The following PHLPP2 variants were observed in gnomAD, a reference collection of about 807,000 sequenced individuals.
PHLPP2 encodes PH domain leucine-rich repeat-containing protein phosphatase 2.
In PHLPP2, 66 loss-of-function variants were observed where a neutral mutation model predicts 124.9. That is an observed-to-expected ratio of 0.53 (90% confidence interval 0.43 to 0.65). PHLPP2 has a LOEUF of 0.65. PHLPP2 is among the 30% of genes least tolerant of loss of function. PHLPP2 has a pLI of 0.00. For missense variants in PHLPP2, 1,685 were observed against 1,600.4 expected (o/e 1.05, Z -0.90); for synonymous variants, 681 against 624.7 (o/e 1.09, Z -1.34).
At chr16:71,707,222 T>C (rs894022787) in intron 2 of PHLPP2, among the ~76,000 whole-genome samples, 4 of 152,090 alleles carry the variant, frequency 2.6e-5, no homozygotes, top group Non-Finnish European at 5.9e-5. Context: ...CCCAAAGTGC[T>C]GGGATTACAG....
intron 1 of PHLPP2, chr16:71,723,824 G>GGGGGCTCCA (rs2045415077): frequency 1.6e-6 from 2 of 1,253,642 alleles, no homozygotes; most frequent in Non-Finnish European, 2.0e-6. Flanking sequence ...GGGCGGCTCC[G>GGGGGCTCCA]GGGGCTCCAG....
chr16:71,693,947 C>A (rs1416268257), intron 3 of PHLPP2, among the ~76,000 whole-genome samples: 1 of 152,040 alleles, frequency 6.6e-6, no homozygotes, highest in Non-Finnish European at 1.5e-5. Flanking sequence ...AATCCCAGCA[C>A]TTTGGGAGGC....
intron 1 of PHLPP2, among the ~76,000 whole-genome samples, chr16:71,721,375 C>G (rs6499534): frequency 0.86 from 130,838 of 152,156 alleles, 56,400 homozygotes; most frequent in East Asian, 0.99. Flanking sequence ...CCAGTGCTTT[C>G]GGAGCCCAAG....
At chr16:71,666,647 T>C (rs2044842759) in intron 12 of PHLPP2, among the ~76,000 whole-genome samples, 1 of 152,240 alleles carries the variant, frequency 6.6e-6, no homozygotes, top group Non-Finnish European at 1.5e-5. Context: ...GTCATCTATT[T>C]GTTAATTTAT....
chr16:71,698,939 G>A (rs952037982), intron 3 of PHLPP2, among the ~76,000 whole-genome samples: 1 of 152,062 alleles, frequency 6.6e-6, no homozygotes, highest in Non-Finnish European at 1.5e-5. Flanking sequence ...TAACTGGTTC[G>A]CACTCGGGCC....
intron 4 of PHLPP2, among the ~76,000 whole-genome samples, chr16:71,687,359 T>C (rs1057342400): frequency 1.3e-5 from 2 of 152,228 alleles, no homozygotes; most frequent in Non-Finnish European, 2.9e-5. Flanking sequence ...ATGCTATTAA[T>C]ATAACCACAC....
In PHLPP2 at chr16:71,667,155, G is replaced by GA. The variant is rs771395143; in HGVS notation, c.1784+22dup. 9 of 1,599,212 alleles carry GA rather than the reference G, an allele frequency of 5.6e-6. No individual in the cohort carries two copies. In the East Asian group the frequency reaches 9.0e-5, roughly 16 times the overall value. On this transcript the variant is annotated intron_variant, in intron 12 of 18. Coordinates refer to ENST00000568954, the MANE Select transcript of PHLPP2 (RefSeq NM_015020.3). ...GTTTAGCCAATGATTCTGCTCTTCC[G>GA]AAAAAAATCCTATGATACTTACTTT...
intron 11 of PHLPP2, among the ~76,000 whole-genome samples, chr16:71,668,799 G>A (rs750097252): frequency 2.6e-5 from 4 of 152,062 alleles, no homozygotes; most frequent in African/African-American, 4.8e-5. Context: ...GCCAGCTCCC[G>A]TCACTTCCTG....
At chr16:71,692,506 T>A (rs1020757141) in intron 3 of PHLPP2, among the ~76,000 whole-genome samples, 1 of 152,200 alleles carries the variant, frequency 6.6e-6, no homozygotes, top group African/African-American at 2.4e-5. Context: ...CTAGATTACT[T>A]CAAAGCCTTA....
rs2044973635 is a variant in PHLPP2, at chr16:71,679,114, C to G, written c.1038-129G>C. The G allele has an allele frequency of 1.9e-5, 12 of 640,468 alleles. No homozygotes were observed. In the South Asian group the frequency reaches 2.1e-4, roughly 11 times the overall value. The allele number at this position is 640,468 out of a possible 1,614,324, so 39.7% of individuals were successfully genotyped here. A position where few individuals can be genotyped will look rare whatever the true frequency, so the allele number is the denominator to read the frequency against. On this transcript the variant is annotated intron_variant, in intron 7 of 18. Coordinates refer to ENST00000568954, the MANE Select transcript of PHLPP2 (RefSeq NM_015020.3). ...CCCAAAATAGTAAAGTGTCCTAACT[C>G]TCCATCTATGCAGACTTAATAGATG... is the stretch of plus-strand genomic sequence containing the variant.
At chr16:71,712,150 G>C (rs575784536) in intron 2 of PHLPP2, among the ~76,000 whole-genome samples, 1 of 152,354 alleles carries the variant, frequency 6.6e-6, no homozygotes, top group East Asian at 1.9e-4. Context: ...AAAGCACTAA[G>C]CATACCAACA....
At chr16:71,698,928 T>G (rs1184328604) in intron 3 of PHLPP2, among the ~76,000 whole-genome samples, 6 of 152,108 alleles carry the variant, frequency 3.9e-5, no homozygotes, top group Admixed American at 6.6e-5. Flanking sequence ...GAACACAACA[T>G]TAACTGGTTC....
At position 71,648,551 on chromosome 16, in the gene PHLPP2, C is replaced by A. The variant is rs2044669129; in HGVS notation, c.*339G>T. ...TTGGGAGGCAGAGGAGGGTGGATCA[C>A]CTGAGGTCAAGAGTTCAACACCAGC... On this transcript the variant is annotated 3_prime_UTR_variant, in exon 19 of 19. Coordinates refer to ENST00000568954, the MANE Select transcript of PHLPP2 (RefSeq NM_015020.3). 2 of 258,800 alleles carry A rather than the reference C, an allele frequency of 7.7e-6. No homozygotes were observed. The highest frequency in any genetic ancestry group is 4.9e-5 in the Admixed American group (1 of 20,348). The allele number at this position is 258,800 out of a possible 1,614,324, so 16.0% of individuals were successfully genotyped here.
intron 10 of PHLPP2, among the ~76,000 whole-genome samples, chr16:71,670,838 C>G (rs2044886539): frequency 6.6e-6 from 1 of 152,026 alleles, no homozygotes; most frequent in Admixed American, 6.6e-5. Context: ...TGGCCATGAA[C>G]AGAGGAGAGA....
At chr16:71,669,171 A>G in intron 11 of PHLPP2, 104 bp downstream of exon 11, 1 of 706,494 alleles carries the variant, frequency 1.4e-6, no homozygotes, top group Non-Finnish European at 2.5e-6. Context: ...CAGGTACTCA[A>G]CACACTGAAC....
At chr16:71,662,848 T>A (rs1157364337) in intron 13 of PHLPP2, among the ~76,000 whole-genome samples, 1 of 146,170 alleles carries the variant, frequency 6.8e-6, no homozygotes, top group African/African-American at 2.5e-5. Flanking sequence ...CGTAATGAGA[T>A]CCCATCTCTT....
intron 15 of PHLPP2, 152 bp downstream of exon 15, chr16:71,658,081 A>G: frequency 1.6e-6 from 1 of 611,612 alleles, no homozygotes; most frequent in Admixed American, 3.0e-5. Flanking sequence ...ACATCTATTC[A>G]TAACTTAATC....
At chr16:71,722,068 T>G (rs78467444) in intron 1 of PHLPP2, among the ~76,000 whole-genome samples, 3,689 of 150,828 alleles carry the variant, frequency 0.024, 143 homozygotes, top group African/African-American at 0.083. Flanking sequence ...TCTTCCCAAT[T>G]CAGAGTATTC....
At chr16:71,697,213 AAT>A (rs1567625230) in intron 3 of PHLPP2, among the ~76,000 whole-genome samples, 24 of 20,346 alleles carry the variant, frequency 1.2e-3, no homozygotes, top group East Asian at 0.038. Context: ...TAAATAAATA[AAT>A]AAAAAGAAAC....
Sources: allele counts gnomAD v4.1 joint callset (sites outside exome capture counted in the v4.1 genomes callset), GRCh38; gene constraint gnomAD v4.1.1; transcripts MANE v1.5; gene names NCBI Gene and HGNC (gene_info 2026-07-23, HGNC 2026-07-21).